BTG4: variants seen among roughly 807,000 people sequenced by gnomAD.
BTG4 encodes the protein BTG anti-proliferation factor 4.
Under a neutral mutation model 19.3 loss-of-function variants are expected in BTG4, and 10 were observed. That is an observed-to-expected ratio of 0.52 (90% CI 0.32 to 0.88). BTG4 has a LOEUF of 0.88. Among genes scored for constraint, BTG4 ranks in the 40% least tolerant of loss-of-function variants. The pLI, the probability that BTG4 is intolerant of heterozygous loss-of-function variation, is 0.04. For missense variants in BTG4, 238 were observed against 281.9 expected, an observed-to-expected ratio of 0.84 and a Z score of 1.11; for synonymous variants, 91 against 95.7, an observed-to-expected ratio of 0.95 and a Z score of 0.29.
chr11:111,401,290 T>G, the BTG4 span, among the ~76,000 whole-genome samples: 2 of 151,800 alleles, frequency 1.3e-5, no homozygotes, highest in Admixed American at 6.6e-5. Flanking sequence ...ATCGAGACCA[T>G]CCTGTGAATG....
chr11:111,497,929 A>C, intron 3 of BTG4, 69 bp downstream of exon 3: 1 of 1,505,964 alleles, frequency 6.6e-7, no homozygotes, highest in Non-Finnish European at 9.0e-7. Context: ...TCTTTCATGA[A>C]GGTATGTAAA....
chr11:111,492,948 C>T (rs756248342), downstream of BTG4, among the ~76,000 whole-genome samples: 6 of 152,130 alleles, frequency 3.9e-5, no homozygotes, highest in South Asian at 2.1e-4. Context: ...GAGTTTGAGA[C>T]CAGCGTGGCC....
chr11:111,493,889 C>G (rs1292072935), downstream of BTG4, among the ~76,000 whole-genome samples: 1 of 152,178 alleles, frequency 6.6e-6, no homozygotes, highest in Non-Finnish European at 1.5e-5. Context: ...CTCCCTCCCC[C>G]TTCATCAGCA....
chr11:111,385,056 C>T, the BTG4 span: 7 of 152,088 alleles, frequency 4.6e-5, no homozygotes, highest in African/African-American at 1.7e-4. Context: ...TAGGAGGCAA[C>T]TGCCACTTTT....
chr11:111,467,473 A>T (rs924978256), downstream of BTG4: 3 of 504,674 alleles, frequency 5.9e-6, no homozygotes, highest in African/African-American at 6.0e-5. Context: ...ACTTCTCATC[A>T]ATTTGGCTGA....
the BTG4 span, among the ~76,000 whole-genome samples, chr11:111,411,319 C>T: frequency 6.6e-6 from 1 of 152,076 alleles, no homozygotes. Context: ...CACACTGACC[C>T]CCTTGCCGCT....
downstream of BTG4, among the ~76,000 whole-genome samples, chr11:111,491,307 T>C (rs1350498475): frequency 6.6e-6 from 1 of 152,192 alleles, no homozygotes; most frequent in Non-Finnish European, 1.5e-5. Context: ...ATCTTGACTG[T>C]AGCAATGTCA....
the BTG4 span, chr11:111,400,896 C>T: frequency 1.3e-3 from 195 of 152,066 alleles, 1 homozygote; most frequent in African/African-American, 4.5e-3. Context: ...CAACACCAAA[C>T]AAACCCAAAC....
At chr11:111,404,791 G>A in the BTG4 span, 2 of 399,142 alleles carry the variant, frequency 5.0e-6, no homozygotes, top group Non-Finnish European at 9.9e-6. Flanking sequence ...TAAAGACCAG[G>A]AACTGAATGG....
intron 5 of BTG4, among the ~76,000 whole-genome samples, chr11:111,472,350 G>C (rs1864119722): frequency 6.6e-6 from 1 of 152,202 alleles, no homozygotes; most frequent in African/African-American, 2.4e-5. Context: ...CTTTCCCCTA[G>C]GGCAGTGTTT....
intron 5 of BTG4, among the ~76,000 whole-genome samples, chr11:111,487,893 T>C (rs775557279): frequency 1.3e-5 from 2 of 151,930 alleles, no homozygotes; most frequent in Non-Finnish European, 2.9e-5. Context: ...AGGAATAAAC[T>C]TAACCAAAAA....
At chr11:111,487,264 T>C (rs1457038878) in intron 5 of BTG4, among the ~76,000 whole-genome samples, 1 of 152,198 alleles carries the variant, frequency 6.6e-6, no homozygotes, top group Non-Finnish European at 1.5e-5. Context: ...CCATTGTGAA[T>C]AGTGCTGCAA....
At chr11:111,506,921 C>CTATAGA (rs150375550) in intron 1 of BTG4, among the ~76,000 whole-genome samples, 3,726 of 151,982 alleles carry the variant, frequency 0.025, 85 homozygotes, top group Middle Eastern at 0.085. Context: ...TTTCAAGAAA[C>CTATAGA]TATAGAGGAG....
chr11:111,509,887 C>CT (rs1335003017), intron 1 of BTG4, among the ~76,000 whole-genome samples: 3 of 139,766 alleles, frequency 2.1e-5, no homozygotes, highest in Non-Finnish European at 3.1e-5. Context: ...TTGTCTCCAT[C>CT]TTTTTTTTTC....
At chr11:111,445,521 C>T in the BTG4 span, among the ~76,000 whole-genome samples, 2 of 152,166 alleles carry the variant, frequency 1.3e-5, no homozygotes, top group Non-Finnish European at 2.9e-5. Flanking sequence ...TCTGTATTCC[C>T]ACAGGACTGA....
At chr11:111,427,936 T>C in the BTG4 span, among the ~76,000 whole-genome samples, 1 of 152,084 alleles carries the variant, frequency 6.6e-6, no homozygotes, top group African/African-American at 2.4e-5. Context: ...AACATTAGAC[T>C]GAGGACACAT....
At chr11:111,513,167 G>A, upstream of BTG4, 2 of 378,604 alleles carry the variant, frequency 5.3e-6, no homozygotes, top group South Asian at 4.1e-5. Context: ...GGAAACCCGC[G>A]GTTTCTCCAG....
At chr11:111,406,190 CAG>C in the BTG4 span, among the ~76,000 whole-genome samples, 7 of 152,200 alleles carry the variant, frequency 4.6e-5, no homozygotes, top group Non-Finnish European at 7.3e-5. Flanking sequence ...ATTTTAGAGA[CAG>C]AGTCTCTAAA....
the BTG4 span, among the ~76,000 whole-genome samples, chr11:111,386,670 A>G: frequency 6.6e-6 from 1 of 152,346 alleles, no homozygotes. Flanking sequence ...TTTATTATAG[A>G]GAAATACTAT....
Sources: gnomAD v4.1 joint callset for allele counts (sites outside exome capture counted in the v4.1 genomes callset) on GRCh38, gnomAD v4.1.1 for gene constraint, MANE v1.5 for transcripts, NCBI Gene and HGNC (gene_info 2026-07-23, HGNC 2026-07-21) for gene names.